STEAP1B: variants seen among roughly 807,000 people sequenced by gnomAD.
STEAP1B encodes STEAP family member 1B, also known as STEAP family protein MGC87042.
Under a neutral mutation model 27.9 loss-of-function variants are expected in STEAP1B, and 13 were observed. The ratio of observed to expected loss-of-function variants is 0.47; its 90% CI spans 0.30 to 0.74. The LOEUF (loss-of-function observed/expected upper bound fraction) is 0.74, where lower values mean the gene tolerates loss of function less well. Among genes scored for constraint, STEAP1B ranks in the 30% least tolerant of loss-of-function variants. STEAP1B has a pLI of 0.06. For synonymous variants in STEAP1B, 86 were observed against 107.1 expected, an observed-to-expected ratio of 0.80 and a Z score of 1.22; for missense variants, 250 against 298.7, an observed-to-expected ratio of 0.84 and a Z score of 1.20.
chr7:22,428,728 G>A (rs766638169), intron 4 of STEAP1B, among the ~76,000 whole-genome samples: 4 of 152,022 alleles, frequency 2.6e-5, no homozygotes, highest in Non-Finnish European at 5.9e-5. Flanking sequence ...ACTTAAACTC[G>A]GGAGGGGGAG....
chr7:22,481,549 C>G (rs1786074124), intron 4 of STEAP1B, among the ~76,000 whole-genome samples: 1 of 152,230 alleles, frequency 6.6e-6, no homozygotes, highest in Non-Finnish European at 1.5e-5. Context: ...CACCGTAGTC[C>G]AACAGAGTCA....
chr7:22,432,373 TAATAAATAAATAAATAAATA>T (rs147989425), intron 4 of STEAP1B, among the ~76,000 whole-genome samples: 237 of 137,598 alleles, frequency 1.7e-3, no homozygotes, highest in African/African-American at 5.1e-3. Context: ...ACCCTATACC[TAATAAATAAATAAATAAATA>T]AATAAATAAA....
intron 4 of STEAP1B, among the ~76,000 whole-genome samples, chr7:22,469,958 C>A (rs1232228644): frequency 3.9e-5 from 6 of 152,150 alleles, no homozygotes; most frequent in Non-Finnish European, 8.8e-5. Flanking sequence ...AAAAGATATG[C>A]ACACTCACAT....
At chr7:22,419,857 A>G in intron 4 of STEAP1B, 21 bp from the exon 5 acceptor site, 1 of 1,549,118 alleles carries the variant, frequency 6.5e-7, no homozygotes, top group Non-Finnish European at 8.7e-7. Flanking sequence ...GACAGCAAGA[A>G]AGAGTTGATG....
intron 4 of STEAP1B, among the ~76,000 whole-genome samples, chr7:22,432,376 TAAA>T (rs1206828104): frequency 2.8e-5 from 1 of 35,580 alleles, no homozygotes; most frequent in African/African-American, 1.5e-4. Context: ...CTATACCTAA[TAAA>T]TAAATAAATA....
At chr7:22,489,132 T>C (rs1214738505) in intron 4 of STEAP1B, among the ~76,000 whole-genome samples, 1 of 152,200 alleles carries the variant, frequency 6.6e-6, no homozygotes, top group African/African-American at 2.4e-5. Flanking sequence ...CAGCATCGCC[T>C]GCACGTGACT....
chr7:22,456,972 A>ATATATATATATATATATATATATATATAT, intron 4 of STEAP1B, among the ~76,000 whole-genome samples: 1 of 57,080 alleles, frequency 1.8e-5, no homozygotes, highest in African/African-American at 7.0e-5. Context: ...ATATATATAT[A>ATATATATATATATATATATATATATATAT]TTTTTTTTTT....
intron 4 of STEAP1B, among the ~76,000 whole-genome samples, chr7:22,456,966 A>ATTTTTTTT (rs1301439928): frequency 2.7e-5 from 1 of 36,820 alleles, no homozygotes; most frequent in Admixed American, 3.3e-4. Context: ...ATATATATAT[A>ATTTTTTTT]TATATATTTT....
intron 4 of STEAP1B, among the ~76,000 whole-genome samples, chr7:22,433,126 GAGTT>G (rs1785211545): frequency 7.1e-6 from 1 of 140,300 alleles, no homozygotes; most frequent in Non-Finnish European, 1.6e-5. Context: ...GAACCTAAAT[GAGTT>G]ATTTCACCAA....
intron 1 of STEAP1B, among the ~76,000 whole-genome samples, chr7:22,498,395 G>T (rs10250627): frequency 3.3e-5 from 5 of 152,220 alleles, no homozygotes; most frequent in Admixed American, 1.3e-4. Context: ...TTTGTGGGGT[G>T]GGGGAGGGAG....
intron 4 of STEAP1B, chr7:22,438,632 G>A (rs1177505813): frequency 1.9e-6 from 3 of 1,552,004 alleles, no homozygotes; most frequent in Non-Finnish European, 2.6e-6. Flanking sequence ...GTCTTGGAAG[G>A]TGGTGGGAAA....
intron 4 of STEAP1B, among the ~76,000 whole-genome samples, chr7:22,467,765 T>G (rs1280343513): frequency 6.6e-6 from 1 of 152,170 alleles, no homozygotes; most frequent in Non-Finnish European, 1.5e-5. Flanking sequence ...CTATTAAACC[T>G]CTTTCTTTGT....
intron 4 of STEAP1B, among the ~76,000 whole-genome samples, chr7:22,446,897 T>C (rs1332709234): frequency 3.3e-5 from 5 of 152,216 alleles, no homozygotes; most frequent in Admixed American, 3.3e-4. Flanking sequence ...GGCTGGCACA[T>C]TGTAGAAACT....
chr7:22,466,150 T>TA (rs926901154), intron 4 of STEAP1B, among the ~76,000 whole-genome samples: 21 of 152,234 alleles, frequency 1.4e-4, no homozygotes, highest in African/African-American at 5.1e-4. Flanking sequence ...CTCACAGTGC[T>TA]AAAATATCCT....
At chr7:22,487,328 T>C (rs1786227531) in intron 4 of STEAP1B, among the ~76,000 whole-genome samples, 1 of 152,124 alleles carries the variant, frequency 6.6e-6, no homozygotes, top group Non-Finnish European at 1.5e-5. Context: ...GATGAGGACA[T>C]GATCTCTGCT....
At chr7:22,471,816 T>C (rs897943520) in intron 4 of STEAP1B, among the ~76,000 whole-genome samples, 6 of 141,696 alleles carry the variant, frequency 4.2e-5, no homozygotes, top group African/African-American at 1.3e-4. Flanking sequence ...GGCAGGAGAA[T>C]GGCTTGAGCC....
At chr7:22,434,861 T>C (rs916449431) in intron 4 of STEAP1B, among the ~76,000 whole-genome samples, 1 of 152,232 alleles carries the variant, frequency 6.6e-6, no homozygotes, top group South Asian at 2.1e-4. Context: ...TTTATTTTTA[T>C]ACTGCTCAGT....
intron 4 of STEAP1B, among the ~76,000 whole-genome samples, chr7:22,490,798 A>G (rs1453823754): frequency 6.6e-6 from 1 of 152,212 alleles, no homozygotes; most frequent in Non-Finnish European, 1.5e-5. Flanking sequence ...CCAGCAAGAT[A>G]CTAGGAGTAC....
At chr7:22,421,740 A>T (rs1283413460) in intron 4 of STEAP1B, among the ~76,000 whole-genome samples, 6 of 152,246 alleles carry the variant, frequency 3.9e-5, no homozygotes, top group Admixed American at 2.0e-4. Context: ...AACATGAATC[A>T]TTAGCATTCA....
Sources: gnomAD v4.1 joint callset for allele counts (sites outside exome capture counted in the v4.1 genomes callset) on GRCh38, gnomAD v4.1.1 for gene constraint, MANE v1.5 for transcripts, NCBI Gene and HGNC (gene_info 2026-07-23, HGNC 2026-07-21) for gene names.